Variants in TUSC3 observed in about 807,000 individuals in gnomAD.
TUSC3 encodes tumor suppressor candidate 3.
TUSC3 carries 45 observed loss-of-function variants against 44.8 expected under a neutral mutation model. The ratio of observed to expected loss-of-function variants is 1.00; its 90% CI spans 0.79 to 1.29. The LOEUF is 1.29. TUSC3 is among the 50% of genes most tolerant of loss of function. The pLI, the probability that TUSC3 is intolerant of heterozygous loss-of-function variation, is 0.00. For missense variants in TUSC3, 519 were observed against 437.9 expected, an observed-to-expected ratio of 1.19 and a Z score of -1.65; for synonymous variants, 212 against 152.9, an observed-to-expected ratio of 1.39 and a Z score of -2.85.
At chr8:15,840,287 T>C in the TUSC3 span, among the ~76,000 whole-genome samples, 1 of 152,078 alleles carries the variant, frequency 6.6e-6, no homozygotes, top group South Asian at 2.1e-4. Context: ...AGTGATGAGT[T>C]AATGGGTGCA....
At chr8:15,806,657 A>G in the TUSC3 span, 3 of 1,169,844 alleles carry the variant, frequency 2.6e-6, no homozygotes, top group South Asian at 3.7e-5. Flanking sequence ...TGGTGAGACA[A>G]GCTGCCCAGT....
chr8:15,692,778 G>T (rs569771681), intron 6 of TUSC3, among the ~76,000 whole-genome samples: 26 of 151,560 alleles, frequency 1.7e-4, no homozygotes, highest in Middle Eastern at 3.4e-3. Flanking sequence ...CAATTTACTA[G>T]TTTTCCACTA....
the TUSC3 span, among the ~76,000 whole-genome samples, chr8:15,782,251 T>A: frequency 6.6e-6 from 1 of 152,202 alleles, no homozygotes; most frequent in Admixed American, 6.5e-5. Context: ...GGCAGGAGAA[T>A]TGCTTGAGGC....
chr8:15,508,644 G>T (rs922019058), intron 2 of TUSC3, among the ~76,000 whole-genome samples: 1 of 151,948 alleles, frequency 6.6e-6, no homozygotes, highest in African/African-American at 2.4e-5. Context: ...TGTATTTTTA[G>T]TAGAGACCAG....
chr8:15,713,704 C>CT lies in TUSC3; in HGVS notation c.799-16954dup, dbSNP rs1019663658. ...ACTCAGTGCATGTCTGTGTCTTGATCTTTTTTTTATAAAGATGCCAATTAT... is the reference window on the plus strand; with the variant it reads ...ACTCAGTGCATGTCTGTGTCTTGATCTTTTTTTTTATAAAGATGCCAATTAT... On this transcript the variant is annotated intron_variant, in intron 6 of 10. Transcript: ENST00000503731. 3.3e-5 allele frequency among the ~76,000 whole-genome samples: 5 copies of CT among 151,902 alleles called. No homozygotes were observed. In the East Asian group the frequency reaches 5.8e-4, roughly 18 times the overall value.
chr8:15,792,594 A>G, the TUSC3 span, among the ~76,000 whole-genome samples: 1 of 151,800 alleles, frequency 6.6e-6, no homozygotes, highest in Non-Finnish European at 1.5e-5. Flanking sequence ...TATACCTACT[A>G]TTTCTTTTTT....
chr8:15,445,067 A>C (rs1023019634), intron 1 of TUSC3, among the ~76,000 whole-genome samples: 1 of 152,178 alleles, frequency 6.6e-6, no homozygotes, highest in Non-Finnish European at 1.5e-5. Context: ...GAAAATTCTT[A>C]TTAGAAACAA....
chr8:15,419,081 T>A (rs2129114701), intron 1 of TUSC3, among the ~76,000 whole-genome samples: 1 of 152,302 alleles, frequency 6.6e-6, no homozygotes, highest in Non-Finnish European at 1.5e-5. Context: ...CATATTACAA[T>A]GATACATTTC....
chr8:15,568,413 G>C (rs939821196), intron 1 of TUSC3, among the ~76,000 whole-genome samples: 2 of 151,986 alleles, frequency 1.3e-5, no homozygotes. Flanking sequence ...CTCATATCTG[G>C]TCATTCCTGA....
rs376634322 is a variant in TUSC3 at position 15,491,901 on chromosome 8, TA to T, written n.189+8420del. Among the ~76,000 whole-genome samples the T allele has an allele frequency of 2.4e-3, 369 of 152,358 alleles. 2 individuals carry two copies. Among genetic ancestry groups the T allele is most frequent in the African/African-American group, 8.4e-3 (348 of 41,582 alleles). On this transcript the variant is annotated intron_variant and non_coding_transcript_variant, in intron 2 of 5. Coordinates refer to the TUSC3 transcript ENST00000503191. ...TTTTTAATGCATTCGCTGTTCCACATAATTTAATTTACTTTATATATTTACA... is the reference window on the plus strand; with the variant it reads ...TTTTTAATGCATTCGCTGTTCCACATATTTAATTTACTTTATATATTTACA...
At chr8:15,621,263 T>C (rs1805231439) in intron 1 of TUSC3, among the ~76,000 whole-genome samples, 1 of 151,800 alleles carries the variant, frequency 6.6e-6, no homozygotes, top group African/African-American at 2.4e-5. Context: ...TGGTAAATAC[T>C]GGAGACTTTA....
Position 15,504,578 on chromosome 8 carries a change from GATATATATATATATATATATATAT to G in TUSC3, n.189+21116_189+21139del, listed in dbSNP as rs1158864721. Among the ~76,000 whole-genome samples the G allele has an allele frequency of 1.1e-3, 37 of 33,466 alleles. 1 individual carries two copies. Among genetic ancestry groups the G allele is most frequent in the South Asian group, 1.8e-3 (1 of 558 alleles). The allele number at this position is 33,466 out of a possible 152,430, so 22.0% of individuals were successfully genotyped here. ...TAATCCTATTAAAGGCAACTTTCAG[GATATATATATATATATATATATAT>G]ATATATATATATATATATATTTTTT... is the stretch of plus-strand genomic sequence containing the variant. On this transcript the variant is annotated intron_variant and non_coding_transcript_variant, in intron 2 of 5. Coordinates refer to the TUSC3 transcript ENST00000503191.
the TUSC3 span, among the ~76,000 whole-genome samples, chr8:15,824,964 T>G: frequency 6.6e-6 from 1 of 152,164 alleles, no homozygotes; most frequent in South Asian, 2.1e-4. Context: ...ACTCTCTATA[T>G]AAACTAGACA....
chr8:15,624,125 T>A (rs1258516931), intron 2 of TUSC3, among the ~76,000 whole-genome samples: 1 of 152,230 alleles, frequency 6.6e-6, no homozygotes, highest in East Asian at 1.9e-4. Context: ...CCTAAAAAAA[T>A]ACGTCCAAGT....
At position 15,616,209 on chromosome 8, in the gene TUSC3, C is replaced by G. The variant is rs74679742; in HGVS notation, c.139-6871C>G. On this transcript the variant is annotated intron_variant, in intron 1 of 10. Coordinates refer to ENST00000503731, the MANE Select transcript of TUSC3 (RefSeq NM_006765.4). ...GCTTTTTTTCAATAGGGACTAATTTCTGTTTTAGAAGTTTATAGTGACATG... is the reference window on the plus strand; with the variant it reads ...GCTTTTTTTCAATAGGGACTAATTTGTGTTTTAGAAGTTTATAGTGACATG... 2.0e-5 allele frequency among the ~76,000 whole-genome samples: 3 copies of G among 152,146 alleles called. No individual in the cohort carries two copies. The East Asian group carries it at 5.8e-4, about 29-fold the overall frequency.
chr8:15,471,628 T>G (rs1401346168), intron 1 of TUSC3, among the ~76,000 whole-genome samples: 1 of 151,912 alleles, frequency 6.6e-6, no homozygotes, highest in Non-Finnish European at 1.5e-5. Context: ...GATTTTTTTT[T>G]TTTTTTGAGA....
chr8:15,581,770 T>C (rs1304819401), intron 1 of TUSC3, among the ~76,000 whole-genome samples: 4 of 138,978 alleles, frequency 2.9e-5, no homozygotes, highest in South Asian at 4.6e-4. Flanking sequence ...GCTGTCTTTT[T>C]GTTTGTCTGT....
chr8:15,711,511 A>G lies in TUSC3; in HGVS notation c.799-19155A>G, dbSNP rs150371713. Among the ~76,000 whole-genome samples, 609 of 146,826 alleles carry G rather than the reference A, an allele frequency of 4.1e-3. 8 individuals carry two copies. The highest frequency in any genetic ancestry group is 0.034 in the East Asian group (172 of 5,096). ...GTGTGTGTGTATTTAATATGTGTGT[A>G]TATATATATATTTAATATATGTATA... On this transcript the variant is annotated intron_variant, in intron 6 of 10. Transcript: ENST00000503731.
intron 10 of TUSC3, chr8:15,758,090 C>T: frequency 7.7e-7 from 1 of 1,297,082 alleles, no homozygotes. Context: ...AATCATTTGA[C>T]AGATGCAATG....
Sources: gnomAD v4.1 joint callset for allele counts (sites outside exome capture counted in the v4.1 genomes callset) on GRCh38, gnomAD v4.1.1 for gene constraint, MANE v1.5 for transcripts, NCBI Gene and HGNC (gene_info 2026-07-23, HGNC 2026-07-21) for gene names.